Variants in MID1 observed in about 807,000 individuals in gnomAD.
MID1 encodes E3 ubiquitin-protein ligase Midline-1.
In MID1, 7 loss-of-function variants were observed where a neutral mutation model predicts 40.4. The observed-to-expected ratio is 0.17, with a 90% CI of 0.10 to 0.33. The LOEUF is 0.33. Ranked by LOEUF, MID1 falls within the 10% of genes least tolerant of loss-of-function variation. MID1 has a pLI of 1.00. For synonymous variants in MID1, 229 were observed against 221.2 expected (o/e 1.04, Z -0.31); for missense variants, 367 against 558.5 (o/e 0.66, Z 3.46).
chrX:10,805,420 A>G (rs1031693579), intron 1 of MID1, among the ~76,000 whole-genome samples: 1 of 107,862 alleles, frequency 9.3e-6, no homozygotes, highest in Admixed American at 1.0e-4. Context: ...TTATGGCTGC[A>G]TAGTATTCCA....
intron 1 of MID1, among the ~76,000 whole-genome samples, chrX:10,737,206 G>T (rs888988567): frequency 8.9e-6 from 1 of 112,374 alleles, no homozygotes; most frequent in African/African-American, 3.2e-5. Flanking sequence ...ATATGCTTAG[G>T]AACAAACATA....
At chrX:10,647,121 A>G (rs1169881721) in intron 1 of MID1, among the ~76,000 whole-genome samples, 1 of 111,012 alleles carries the variant, frequency 9.0e-6, no homozygotes, top group South Asian at 3.9e-4. Context: ...TCTCACCCAC[A>G]CCTCTCAAGC....
At chrX:10,557,628 T>G (rs1450395706) in intron 2 of MID1, among the ~76,000 whole-genome samples, 1 of 112,249 alleles carries the variant, frequency 8.9e-6, no homozygotes, top group Middle Eastern at 4.2e-3. Context: ...CCAAGGTTGC[T>G]TCTGGCTCTA....
intron 7 of MID1, 130 bp from the exon 8 acceptor site, chrX:10,459,937 G>T (rs1334944182): frequency 2.4e-5 from 18 of 760,715 alleles, no homozygotes; most frequent in Non-Finnish European, 3.0e-5. Flanking sequence ...TGGTAGTCAT[G>T]TACGAAAAAC....
chrX:10,562,859 A>G (rs1187506361), intron 2 of MID1, among the ~76,000 whole-genome samples: 2 of 106,538 alleles, frequency 1.9e-5, no homozygotes, highest in African/African-American at 7.5e-5. Context: ...TCCAACTTAG[A>G]TTCAGGAAGA....
At chrX:10,792,456 G>A (rs1012239783) in intron 1 of MID1, among the ~76,000 whole-genome samples, 1 of 112,286 alleles carries the variant, frequency 8.9e-6, no homozygotes, top group East Asian at 2.8e-4. Context: ...CTGACTGACC[G>A]AACACATATT....
intron 2 of MID1, among the ~76,000 whole-genome samples, chrX:10,547,661 AAAAAAAGAAAAG>A (rs936188074): frequency 9.1e-5 from 10 of 109,830 alleles, no homozygotes; most frequent in East Asian, 2.8e-4. Context: ...AAAAGAAAAG[AAAAAAAGAAAAG>A]AAAAAAGAAA....
intron 2 of MID1, among the ~76,000 whole-genome samples, chrX:10,529,548 A>G (rs1010638195): frequency 8.9e-6 from 1 of 111,898 alleles, no homozygotes; most frequent in Non-Finnish European, 1.9e-5. Flanking sequence ...CTCATCTGTT[A>G]GTTTGAATGG....
chrX:10,511,333 G>A (rs1280954000), intron 3 of MID1, among the ~76,000 whole-genome samples: 1 of 110,760 alleles, frequency 9.0e-6, no homozygotes, highest in African/African-American at 3.3e-5. Flanking sequence ...TATCTTAAAT[G>A]CTATGAACTA....
intron 4 of MID1, among the ~76,000 whole-genome samples, chrX:10,484,281 C>T (rs368995026): frequency 8.9e-6 from 1 of 112,046 alleles, no homozygotes; most frequent in Admixed American, 9.4e-5. Flanking sequence ...ATTACATGGC[C>T]GAATTGCAGA....
chrX:10,646,492 A>G (rs1263822658), intron 1 of MID1, among the ~76,000 whole-genome samples: 3 of 111,158 alleles, frequency 2.7e-5, no homozygotes, highest in Non-Finnish European at 5.7e-5. Flanking sequence ...AGACCCCAAA[A>G]CTGTTCTTCT....
At chrX:10,759,737 T>C (rs1201822606) in intron 1 of MID1, among the ~76,000 whole-genome samples, 1 of 111,841 alleles carries the variant, frequency 8.9e-6, no homozygotes, top group Non-Finnish European at 1.9e-5. Context: ...CCATTTCATT[T>C]GCACAAGTTC....
chrX:10,465,258 C>CACACAT (rs1929320008), intron 7 of MID1, among the ~76,000 whole-genome samples: 5 of 96,474 alleles, frequency 5.2e-5, no homozygotes, highest in African/African-American at 1.6e-4. Flanking sequence ...CACACACACA[C>CACACAT]ACATACATAT....
intron 3 of MID1, among the ~76,000 whole-genome samples, chrX:10,504,817 C>A (rs761033183): frequency 2.7e-5 from 3 of 109,669 alleles, no homozygotes; most frequent in African/African-American, 6.6e-5. Flanking sequence ...GTGGGCCAGA[C>A]GGTCTCTGCT....
intron 1 of MID1, among the ~76,000 whole-genome samples, chrX:10,750,408 G>T (rs2043589542): frequency 1.8e-5 from 2 of 110,837 alleles, no homozygotes; most frequent in Admixed American, 1.9e-4. Flanking sequence ...GAGGCAGGCA[G>T]ATCACTTGAG....
chrX:10,498,891 TATAA>T (rs1439995113), intron 3 of MID1, among the ~76,000 whole-genome samples: 1 of 112,170 alleles, frequency 8.9e-6, no homozygotes, highest in Non-Finnish European at 1.9e-5. Context: ...TTTTGTTCAC[TATAA>T]ATAATATTGA....
intron 4 of MID1, among the ~76,000 whole-genome samples, chrX:10,490,603 A>G (rs1481359703): frequency 8.9e-6 from 1 of 112,064 alleles, no homozygotes; most frequent in Non-Finnish European, 1.9e-5. Flanking sequence ...ACATTTTCTC[A>G]TATTAAAAAA....
rs749010641 is a variant in MID1 at position 10,824,200 on chromosome X, A to C, written c.-187+9354T>G. Among the ~76,000 whole-genome samples the C allele has an allele frequency of 4.5e-5, 5 of 112,086 alleles. No individual in the cohort carries two copies. The East Asian group carries it at 1.1e-3, about 25-fold the overall frequency. ...CTTCTCCCTAATTTCAGTCTTTCTG[A>C]ACAGGAAAAACAGACCAGAAGGCTT... On this transcript the variant is annotated intron_variant, in intron 1 of 10. Transcript: ENST00000380785.
intron 1 of MID1, among the ~76,000 whole-genome samples, chrX:10,654,467 T>C (rs1021870130): frequency 1.8e-5 from 2 of 111,870 alleles, no homozygotes; most frequent in African/African-American, 6.5e-5. Flanking sequence ...AGGATGAAAC[T>C]GTTCCACTTC....
Sources: allele counts gnomAD v4.1 joint callset (sites outside exome capture counted in the v4.1 genomes callset), GRCh38; gene constraint gnomAD v4.1.1; transcripts MANE v1.5; gene names NCBI Gene and HGNC (gene_info 2026-07-23, HGNC 2026-07-21).